Variants in ANK3 observed in about 807,000 individuals in gnomAD.
ANK3 encodes the protein ankyrin-3.
Under a neutral mutation model 370.9 loss-of-function variants are expected in ANK3, and 57 were observed. The ratio of observed to expected loss-of-function variants is 0.15; its 90% CI spans 0.12 to 0.19. ANK3 has a LOEUF of 0.19. ANK3 is among the 10% of genes least tolerant of loss of function. The pLI, the probability that ANK3 is intolerant of heterozygous loss-of-function variation, is 1.00. For missense variants in ANK3, 4,439 were observed against 5,302.1 expected, an observed-to-expected ratio of 0.84 and a Z score of 5.06; for synonymous variants, 1,929 against 1,946.3, an observed-to-expected ratio of 0.99 and a Z score of 0.23.
chr10:60,397,214 A>AC (rs1189023383), intron 2 of ANK3, among the ~76,000 whole-genome samples: 1 of 151,926 alleles, frequency 6.6e-6, no homozygotes, highest in Non-Finnish European at 1.5e-5. Context: ...AAAAAAAAAA[A>AC]AACTAAACAC....
At chr10:60,282,290 C>T (rs563941021) in intron 1 of ANK3, among the ~76,000 whole-genome samples, 2 of 152,116 alleles carry the variant, frequency 1.3e-5, no homozygotes, top group African/African-American at 2.4e-5. Context: ...AAGAAAAAAG[C>T]CTTTGAATTG....
At chr10:60,420,244 A>G (rs1385826865) in intron 2 of ANK3, among the ~76,000 whole-genome samples, 1 of 152,070 alleles carries the variant, frequency 6.6e-6, no homozygotes, top group Non-Finnish European at 1.5e-5. Flanking sequence ...AATTTATTAA[A>G]TGTCCATGCA....
In ANK3 at chr10:60,075,933, T is replaced by C. The variant is rs2083692190; in HGVS notation, c.4948A>G (p.Asn1650Asp). The change falls in exon 37 of 44, where the codon AAC becomes GAC. Residue 1650 changes from asparagine (N) to aspartate (D), a missense_variant. This residue lies in a region of ANK3 where 679 missense variants were observed against 791.0 expected (regional missense o/e 0.86). Coordinates refer to ENST00000280772, the MANE Select transcript of ANK3 (RefSeq NM_020987.5). ...TMTPPASPKS[N>D]INMYSSSLPF... ...AAACTTGAGGAATACATATTAATGT[T>C]TGATTTGGGGGAGGCAGGGGGTGTC... The C allele has an allele frequency of 2.5e-6, 4 of 1,614,114 alleles. No homozygotes were observed. The South Asian group carries it at 3.3e-5, about 13-fold the overall frequency.
chr10:60,361,087 T>G (rs1195020246), intron 1 of ANK3, among the ~76,000 whole-genome samples: 1 of 152,210 alleles, frequency 6.6e-6, no homozygotes, highest in African/African-American at 2.4e-5. Flanking sequence ...AACAAGAAGA[T>G]GAGAGATACT....
chr10:60,333,725 G>C (rs1481203305), intron 1 of ANK3, among the ~76,000 whole-genome samples: 4 of 152,162 alleles, frequency 2.6e-5, no homozygotes, highest in Non-Finnish European at 5.9e-5. Context: ...TTGCCACACT[G>C]TCTTCCACAA....
At chr10:60,633,021 T>G (rs943322942) in intron 1 of ANK3, among the ~76,000 whole-genome samples, 28 of 152,220 alleles carry the variant, frequency 1.8e-4, no homozygotes, top group African/African-American at 5.8e-4. Context: ...TATTTCCAGA[T>G]AGACTAGTGT....
rs1253145927 is a variant in ANK3 at position 60,165,981 on chromosome 10, T to C, written c.2614+610A>G. ...CATTCATTGATATATCTGTATATCA[T>C]GACCTGGTCAAAGTATTGGTTTTTA... On this transcript the variant is annotated intron_variant, in intron 23 of 43. Transcript: ENST00000280772. Among the ~76,000 whole-genome samples the C allele has an allele frequency of 2.6e-5, 4 of 152,230 alleles. No individual in the cohort carries two copies. The East Asian group carries it at 7.7e-4, about 29-fold the overall frequency.
At chr10:60,618,530 C>A (rs1428789850) in intron 1 of ANK3, among the ~76,000 whole-genome samples, 1 of 152,086 alleles carries the variant, frequency 6.6e-6, no homozygotes, top group Non-Finnish European at 1.5e-5. Context: ...GGTACAAACA[C>A]TGAAGCAGAA....
chr10:60,153,686 A>G (rs1164664593), intron 23 of ANK3, among the ~76,000 whole-genome samples: 2 of 152,200 alleles, frequency 1.3e-5, no homozygotes, highest in East Asian at 1.9e-4. Context: ...CAGGATACCA[A>G]TGATGGAACA....
chr10:60,096,885 A>G (rs1240388040), intron 28 of ANK3, among the ~76,000 whole-genome samples: 5 of 152,234 alleles, frequency 3.3e-5, no homozygotes, highest in East Asian at 3.8e-4. Flanking sequence ...TAAACAATAG[A>G]ACATAAACAT....
chr10:60,074,427 G>T lies in ANK3; in HGVS notation c.6454C>A (p.Leu2152Ile). The T allele has an allele frequency of 1.2e-6, 2 of 1,614,112 alleles. No homozygotes were observed. The highest frequency in any genetic ancestry group is 1.7e-6 in the Non-Finnish European group (2 of 1,180,002). The change falls in exon 37 of 44, where the codon CTT becomes ATT. Residue 2152 changes from leucine to isoleucine, a missense_variant. By Grantham distance (5) the Leu-to-Ile change is conservative. Around this residue, in one of 13 missense-constraint regions of ANK3, gnomAD observed 1,601 missense variants for 1,731.7 expected, o/e 0.92. Transcript: ENST00000280772. The stretch of plus-strand genomic sequence containing the variant: ...GGAGGGATGGGAACTTCATGAAAAA[G>T]TGGTTTAGGACCAGTGCTTTCAGCG... ...QSAESTGPKP[L>I]FHEVPIPPVI...
At chr10:60,598,971 C>G (rs769405610) in intron 2 of ANK3, among the ~76,000 whole-genome samples, 8 of 152,098 alleles carry the variant, frequency 5.3e-5, no homozygotes, top group Non-Finnish European at 8.8e-5. Context: ...CTCTGTTGCC[C>G]AGGCTGGAGT....
At chr10:60,282,626 C>T (rs559861264) in intron 1 of ANK3, among the ~76,000 whole-genome samples, 1 of 152,266 alleles carries the variant, frequency 6.6e-6, no homozygotes, top group East Asian at 1.9e-4. Flanking sequence ...TCTACTGATA[C>T]AAAATTCTCT....
chr10:60,173,048 A>G (rs2095836271), intron 19 of ANK3, 40 bp downstream of exon 19: 1 of 1,610,444 alleles, frequency 6.2e-7, no homozygotes, highest in East Asian at 2.2e-5. Context: ...TGAAGCAAAA[A>G]TAAATGATTC....
At chr10:60,043,069 A>G in intron 42 of ANK3, 1 of 1,120,816 alleles carries the variant, frequency 8.9e-7, no homozygotes. Flanking sequence ...TCAGCACCAC[A>G]GCTCACAAGG....
intron 24 of ANK3, among the ~76,000 whole-genome samples, chr10:60,135,411 C>G (rs2094294145): frequency 6.6e-6 from 1 of 152,224 alleles, no homozygotes; most frequent in African/African-American, 2.4e-5. Context: ...TGGAATAGAG[C>G]TGCAGAATAT....
At chr10:60,689,754 C>CAAAA (rs10676088) in intron 1 of ANK3, among the ~76,000 whole-genome samples, 1,250 of 108,244 alleles carry the variant, frequency 0.012, 28 homozygotes, top group African/African-American at 0.046. Context: ...GACTTCATCT[C>CAAAA]AAAAAAAAAA....
At chr10:60,488,883 T>C (rs1296534257) in intron 2 of ANK3, among the ~76,000 whole-genome samples, 2 of 152,254 alleles carry the variant, frequency 1.3e-5, no homozygotes, top group Non-Finnish European at 2.9e-5. Flanking sequence ...TTAAATTGTT[T>C]AAATCAAATA....
chr10:60,215,772 A>C (rs1276174159), intron 8 of ANK3, among the ~76,000 whole-genome samples: 1 of 152,144 alleles, frequency 6.6e-6, no homozygotes, highest in Non-Finnish European at 1.5e-5. Flanking sequence ...GTTTGAAGTA[A>C]GGTAGCATGA....
Sources: gnomAD v4.1 joint callset for allele counts (sites outside exome capture counted in the v4.1 genomes callset) on GRCh38, gnomAD v4.1.1 for gene constraint, gnomAD v4.1.1 regional missense constraint, MANE v1.5 for transcripts, NCBI Gene and HGNC (gene_info 2026-07-23, HGNC 2026-07-21) for gene names.